Variants in TAF6 observed in about 807,000 individuals in gnomAD.
TAF6 encodes TATA-box binding protein associated factor 6, also known as transcription initiation factor TFIID subunit 6.
A neutral mutation model predicts 73.5 loss-of-function variants in TAF6; 50 were observed. The observed-to-expected ratio is 0.68, with a 90% CI of 0.54 to 0.86. The LOEUF (loss-of-function observed/expected upper bound fraction) is 0.86. Among genes scored for constraint, TAF6 ranks in the 40% least tolerant of loss-of-function variants. The pLI, the probability that TAF6 is intolerant of heterozygous loss-of-function variation, is 0.00. For missense variants in TAF6, 768 were observed against 899.5 expected, an observed-to-expected ratio of 0.85 and a Z score of 1.87; for synonymous variants, 424 against 376.7, an observed-to-expected ratio of 1.13 and a Z score of -1.45.
chr7:100,112,958 A>C, intron 5 of TAF6, 41 bp from the exon 6 acceptor site: 1 of 1,536,602 alleles, frequency 6.5e-7, no homozygotes, highest in East Asian at 2.5e-5. Flanking sequence ...TGATGAGCAT[A>C]GTAGAAAAGT....
the TAF6 span, chr7:100,127,163 G>C: frequency 1.8e-6 from 1 of 540,610 alleles, no homozygotes; most frequent in Non-Finnish European, 3.3e-6. The surrounding 1 kb of genome is among the most constrained non-coding windows in gnomAD (Gnocchi z 4.6). Context: ...TGGGGCGGGG[G>C]CCGAGGACGC....
At chr7:100,116,742 T>G (rs1797707122) in intron 1 of TAF6, 1 of 152,250 alleles carries the variant, frequency 6.6e-6, no homozygotes, top group Non-Finnish European at 1.5e-5. Context: ...TGAACGCCCT[T>G]CCTTCTTCCA....
At chr7:100,122,174 G>T, upstream of TAF6, 1 of 1,551,166 alleles carries the variant, frequency 6.4e-7, no homozygotes. Context: ...GCACTTGTAT[G>T]CTCTGCTGCC....
At chr7:100,108,204 G>C in intron 13 of TAF6, 81 bp from the exon 14 acceptor site, 1 of 1,474,238 alleles carries the variant, frequency 6.8e-7, no homozygotes, top group Non-Finnish European at 9.1e-7. Flanking sequence ...GGCTCCCCTC[G>C]CTCTTCCTCA....
intron 10 of TAF6, among the ~76,000 whole-genome samples, chr7:100,110,735 C>T (rs775394604): frequency 1.5e-4 from 23 of 152,222 alleles, no homozygotes; most frequent in Non-Finnish European, 3.1e-4. Flanking sequence ...CATTGGAACC[C>T]AGGAGGCGGA....
chr7:100,120,120 T>G, upstream of TAF6: 1 of 389,978 alleles, frequency 2.6e-6, no homozygotes, highest in Non-Finnish European at 4.6e-6. Flanking sequence ...GAATTGTAGT[T>G]CAGGGACCAT....
At chr7:100,115,223 C>G (rs1459319667) in intron 1 of TAF6, 1 of 152,222 alleles carries the variant, frequency 6.6e-6, no homozygotes, top group Non-Finnish European at 1.5e-5. Context: ...AAGTTTTGGG[C>G]TCAAGCAATC....
At position 100,114,285 on chromosome 7, in the gene TAF6, G is replaced by A. The variant is rs770527915; in HGVS notation, c.-59-17C>T. 14 of 1,609,234 alleles carry A rather than the reference G, an allele frequency of 8.7e-6. No individual in the cohort carries two copies. The highest frequency in any genetic ancestry group is 8.5e-7 in the Non-Finnish European group (1 of 1,179,388). On this transcript the variant is annotated splice_polypyrimidine_tract_variant and intron_variant, in intron 1 of 14. Transcript: ENST00000453269. ...ACGGAGACCCTGGCAGAGGAACGGGGCAGGCAGAAGAAAAAGAAACGTGAG... is the reference window on the plus strand; with the variant it reads ...ACGGAGACCCTGGCAGAGGAACGGGACAGGCAGAAGAAAAAGAAACGTGAG...
chr7:100,122,170 G>A (rs2116896041), upstream of TAF6: 1 of 1,535,238 alleles, frequency 6.5e-7, no homozygotes, highest in South Asian at 1.2e-5. Flanking sequence ...GTCTGCACTT[G>A]TATGCTCTGC....
At chr7:100,112,954 G>A in intron 5 of TAF6, 37 bp from the exon 6 acceptor site, 1 of 1,541,154 alleles carries the variant, frequency 6.5e-7, no homozygotes, top group Non-Finnish European at 8.7e-7. Flanking sequence ...GGGGTGATGA[G>A]CATAGTAGAA....
intron 1 of TAF6, chr7:100,118,634 G>C (rs1211075459): frequency 6.4e-6 from 1 of 157,026 alleles, no homozygotes; most frequent in Non-Finnish European, 1.4e-5. Context: ...AACAGCCTGG[G>C]TAACAGACGG....
Position 100,112,159 on chromosome 7 carries a change from G to A in TAF6, c.669C>T (p.Tyr223=), listed in dbSNP as rs1473590203. The part of the protein sequence containing the change: ...IHELSVEQQL[Y]YKEITEACVG... ...CGCAGGCCTCGGTGATCTCCTTGTA[G>A]TAGAGCTGCTGCTCCACAGACAACT... The change falls in exon 7 of 15, where the codon TAC becomes TAT. Residue 223 remains tyrosine (Y), a synonymous_variant. Coordinates refer to ENST00000453269, the MANE Select transcript of TAF6 (RefSeq NM_139315.3). The A allele has an allele frequency of 1.2e-6, 2 of 1,613,972 alleles. No homozygotes were observed. The highest frequency in any genetic ancestry group is 1.3e-5 in the African/African-American group (1 of 74,946).
chr7:100,116,244 C>G (rs1797661466), intron 1 of TAF6, among the ~76,000 whole-genome samples: 1 of 152,066 alleles, frequency 6.6e-6, no homozygotes, highest in Admixed American at 6.6e-5. Flanking sequence ...TGGGCAGGTG[C>G]AGTGGCTCAG....
In TAF6 at chr7:100,107,933, G is replaced by T. The variant is rs767766029; in HGVS notation, c.1649C>A (p.Thr550Asn). The T allele has an allele frequency of 1.2e-6, 2 of 1,609,620 alleles. No homozygotes were observed. The highest frequency in any genetic ancestry group is 8.5e-7 in the Non-Finnish European group (1 of 1,177,336). ...TCCCACAGCTCTGCATACCTGCTGGGTGGATGGGGCGCTGGAGGACGATGA... is the reference window on the plus strand; with the variant it reads ...TCCCACAGCTCTGCATACCTGCTGGTTGGATGGGGCGCTGGAGGACGATGA... ...VMSSSSSAPSTQQVLSLSTSA... is the reference protein window; with the variant it reads ...VMSSSSSAPSNQQVLSLSTSA... The change falls in exon 14 of 15, where the codon ACC becomes AAC. Residue 550 changes from threonine to asparagine, a missense_variant. This residue lies in a region of TAF6 where 350 missense variants were observed against 352.3 expected (regional missense o/e 0.99). Coordinates refer to ENST00000453269, the MANE Select transcript of TAF6 (RefSeq NM_139315.3).
Position 100,108,067 on chromosome 7 carries a change from GCCA to G in TAF6, c.1512_1514del (p.Gly505del). On this transcript the variant is annotated inframe_deletion, in exon 14 of 15. Transcript: ENST00000453269. ...CGATGGAGCCAGGAACCTTCAGCAA[GCCA>G]GGGGTGCGAGGGCCAGGCTGTGGGG... 1 of 1,612,536 alleles carries G rather than the reference GCCA, an allele frequency of 6.2e-7. No individual in the cohort carries two copies. The highest frequency in any genetic ancestry group is 8.5e-7 in the Non-Finnish European group (1 of 1,179,670).
upstream of TAF6, among the ~76,000 whole-genome samples, chr7:100,120,945 C>T (rs1326435777): frequency 4.0e-5 from 6 of 151,700 alleles, no homozygotes; most frequent in Non-Finnish European, 8.8e-5. Flanking sequence ...AGTATGCATA[C>T]AGAAGGAGCT....
At position 100,114,046 on chromosome 7, in the gene TAF6, C is replaced by A; in HGVS notation, c.156+8G>T. ...CCAATGTAGAGCTGGACAGAAGGGC[C>A]GGGTCACCTGTGCGATCTCTTTGAT... On this transcript the variant is annotated splice_region_variant and intron_variant, in intron 2 of 14. Transcript: ENST00000453269. 1 of 1,613,986 alleles carries A rather than the reference C, an allele frequency of 6.2e-7. No homozygotes were observed. Among genetic ancestry groups the A allele is most frequent in the Non-Finnish European group, 8.5e-7 (1 of 1,179,894 alleles).
intron 1 of TAF6, among the ~76,000 whole-genome samples, chr7:100,116,107 C>G (rs1322358602): frequency 6.6e-6 from 1 of 152,206 alleles, no homozygotes; most frequent in East Asian, 1.9e-4. Context: ...TTGCCTTTCT[C>G]TACATCTATT....
At position 100,107,176 on chromosome 7, in the gene TAF6, A is replaced by G. The variant is rs1796591208; in HGVS notation, c.*70T>C. The G allele has an allele frequency of 6.6e-7, 1 of 1,515,514 alleles. No homozygotes were observed. The highest frequency in any genetic ancestry group is 8.8e-7 in the Non-Finnish European group (1 of 1,133,996). The allele number at this position is 1,515,514 out of a possible 1,614,324, so 93.9% of individuals were successfully genotyped here. ...TACAACTTCCTTCCGCTTAGCGAGCATGCATGTGTGTACGTGCACGTGTGT... is the reference window on the plus strand; with the variant it reads ...TACAACTTCCTTCCGCTTAGCGAGCGTGCATGTGTGTACGTGCACGTGTGT... On this transcript the variant is annotated 3_prime_UTR_variant, in exon 15 of 15. Transcript: ENST00000453269.
Sources: allele counts gnomAD v4.1 joint callset (sites outside exome capture counted in the v4.1 genomes callset), GRCh38; gene constraint gnomAD v4.1.1; regional missense constraint gnomAD v4.1.1; non-coding constraint Gnocchi (gnomAD v3.1); transcripts MANE v1.5; gene names NCBI Gene and HGNC (gene_info 2026-07-23, HGNC 2026-07-21).